ZBTB20: variants seen among roughly 807,000 people sequenced by gnomAD.
The protein encoded by ZBTB20 is zinc finger and BTB domain-containing protein 20.
ZBTB20 carries 9 observed loss-of-function variants against 56.9 expected under a neutral mutation model. The observed-to-expected ratio is 0.16, with a 90% confidence interval of 0.10 to 0.28. The LOEUF is 0.28. Ranked by LOEUF, ZBTB20 falls within the 10% of genes least tolerant of loss-of-function variation. The pLI is 1.00. For missense variants in ZBTB20, 655 were observed against 1,003.0 expected (o/e 0.65, Z 4.69); for synonymous variants, 417 against 420.7 (o/e 0.99, Z 0.11).
At chr3:114,857,756 C>T (rs537843767) in intron 4 of ZBTB20, among the ~76,000 whole-genome samples, 2 of 152,284 alleles carry the variant, frequency 1.3e-5, no homozygotes, top group African/African-American at 4.8e-5. Context: ...CCTTCTCTCC[C>T]ACCTCCCCTG....
chr3:114,687,387 G>A (rs755160482), intron 6 of ZBTB20: 1 of 151,800 alleles, frequency 6.6e-6, no homozygotes, highest in African/African-American at 2.4e-5. Flanking sequence ...AGAGCAGCAG[G>A]AGAGAATGGT....
intron 10 of ZBTB20, among the ~76,000 whole-genome samples, chr3:114,363,850 C>T (rs2082123081): frequency 6.6e-6 from 1 of 152,174 alleles, no homozygotes; most frequent in South Asian, 2.1e-4. Flanking sequence ...ACTTACTGCT[C>T]CCTAAAGTGG....
intron 7 of ZBTB20, among the ~76,000 whole-genome samples, chr3:114,494,319 G>A (rs1446917753): frequency 6.6e-6 from 1 of 152,102 alleles, no homozygotes; most frequent in African/African-American, 2.4e-5. Context: ...CCTTAGTTTA[G>A]ATCTTGGATA....
chr3:114,634,086 A>T (rs2059122496), intron 6 of ZBTB20, among the ~76,000 whole-genome samples: 1 of 152,186 alleles, frequency 6.6e-6, no homozygotes, highest in South Asian at 2.1e-4. Context: ...GACAAATGAG[A>T]TCGCACAATT....
At chr3:114,405,199 T>C (rs1399503348) in intron 7 of ZBTB20, among the ~76,000 whole-genome samples, 1 of 152,110 alleles carries the variant, frequency 6.6e-6, no homozygotes, top group Non-Finnish European at 1.5e-5. Flanking sequence ...CTGACTTTTT[T>C]TTTCCAATAA....
At chr3:114,343,024 C>T (rs2108119437) in intron 11 of ZBTB20, among the ~76,000 whole-genome samples, 1 of 152,162 alleles carries the variant, frequency 6.6e-6, no homozygotes, top group East Asian at 1.9e-4. Flanking sequence ...CCCTTTACTG[C>T]CTTGCCAAGG....
chr3:114,851,889 T>C (rs1041942596), intron 4 of ZBTB20, among the ~76,000 whole-genome samples: 7 of 152,148 alleles, frequency 4.6e-5, no homozygotes, highest in Non-Finnish European at 1.0e-4. Context: ...AAGCAAAAAA[T>C]TAATTTTAAA....
At chr3:114,563,917 C>T (rs553380048) in intron 6 of ZBTB20, among the ~76,000 whole-genome samples, 27 of 152,266 alleles carry the variant, frequency 1.8e-4, no homozygotes, top group South Asian at 4.2e-4. Flanking sequence ...AGTTTCCTAT[C>T]GCTGCTGTAA....
At chr3:114,754,671 C>A (rs1425697922) in intron 5 of ZBTB20, among the ~76,000 whole-genome samples, 1 of 151,972 alleles carries the variant, frequency 6.6e-6, no homozygotes, top group Non-Finnish European at 1.5e-5. Context: ...ATCTTTTTAT[C>A]TCTAGTGCCC....
chr3:114,681,350 G>A (rs994524433), intron 6 of ZBTB20, among the ~76,000 whole-genome samples: 1 of 151,518 alleles, frequency 6.6e-6, no homozygotes, highest in Non-Finnish European at 1.5e-5. Context: ...TAGTAGAGTT[G>A]GGGTTTTGCC....
Position 114,403,306 on chromosome 3 carries a change from G to A in ZBTB20, c.-254-14201C>T, listed in dbSNP as rs530280402. ...TCCTCTAACACTGAACAAAATATCA[G>A]TAAAACACCAAGTACAGCTGGTTTT... On this transcript the variant is annotated intron_variant, in intron 7 of 11. Transcript: ENST00000675478. Among the ~76,000 whole-genome samples the A allele has an allele frequency of 2.6e-5, 4 of 152,180 alleles. No individual in the cohort carries two copies. The South Asian group carries it at 6.2e-4, about 24-fold the overall frequency.
Position 114,351,043 on chromosome 3 carries a change from C to T in ZBTB20, c.1035G>A (p.Val345=), listed in dbSNP as rs762459494. The T allele has an allele frequency of 7.4e-6, 12 of 1,611,976 alleles. No individual in the cohort carries two copies. ...DDYDYYGQQR[V]QILERNESEE... is the part of the protein sequence containing the mutation. ...CGGATTCGTTGCGTTCCAGGATCTG[C>T]ACCCTTTGCTGCCCGTAGTAGTCGT... Residue 345 remains valine, a synonymous_variant, in exon 11 of 12, where the codon GTG becomes GTA. Coordinates refer to ENST00000675478, the MANE Select transcript of ZBTB20 (RefSeq NM_001348800.3).
At chr3:114,664,981 C>T (rs1201455167) in intron 6 of ZBTB20, among the ~76,000 whole-genome samples, 1 of 151,934 alleles carries the variant, frequency 6.6e-6, no homozygotes. Context: ...AATAAATTAT[C>T]CAAAAATGTT....
intron 2 of ZBTB20, among the ~76,000 whole-genome samples, chr3:115,028,845 A>C (rs1466174599): frequency 6.6e-6 from 1 of 150,840 alleles, no homozygotes; most frequent in African/African-American, 2.4e-5. Flanking sequence ...AAGAATATCT[A>C]CCTATAAAAT....
intron 4 of ZBTB20, among the ~76,000 whole-genome samples, chr3:114,839,485 G>A (rs1426169921): frequency 2.0e-5 from 3 of 150,616 alleles, no homozygotes; most frequent in Non-Finnish European, 3.0e-5. Flanking sequence ...GAAAGAAAGA[G>A]AAAGAAAGGG....
intron 7 of ZBTB20, among the ~76,000 whole-genome samples, chr3:114,459,912 A>C (rs1302306004): frequency 6.6e-6 from 1 of 152,106 alleles, no homozygotes; most frequent in Non-Finnish European, 1.5e-5. Context: ...TATTAGAGAT[A>C]GTAAGCACTT....
Position 114,753,372 on chromosome 3 carries a change from A to AT in ZBTB20, c.-343+47728_-343+47729insA, listed in dbSNP as rs1560209551. Among the ~76,000 whole-genome samples, 282 of 45,470 alleles carry AT rather than the reference A, an allele frequency of 6.2e-3. 40 individuals are homozygous for AT. Among genetic ancestry groups the AT allele is most frequent in the East Asian group, 0.021 (25 of 1,206 alleles). 29.8% of individuals were successfully genotyped at this position (45,470 alleles called of 152,430 possible). On this transcript the variant is annotated intron_variant, in intron 5 of 11. Coordinates refer to ENST00000675478, the MANE Select transcript of ZBTB20 (RefSeq NM_001348800.3). Reference sequence around the variant, plus strand: ...TATACATTATATATAATGTATATATAATGTATATACACATACATGTATGTA... The same window carrying AT: ...TATACATTATATATAATGTATATATATATGTATATACACATACATGTATGTA...
chr3:114,846,749 C>T (rs978108206), intron 4 of ZBTB20, among the ~76,000 whole-genome samples: 4 of 152,152 alleles, frequency 2.6e-5, no homozygotes, highest in Non-Finnish European at 5.9e-5. Context: ...TTCAATACTG[C>T]CTGGATTTTT....
In ZBTB20 at chr3:114,326,584, T is replaced by TAAAAAGA. The variant is rs1299584158; in HGVS notation, c.*12420_*12421insTCTTTTT. 2.6e-5 allele frequency: 4 copies of TAAAAAGA among 151,988 alleles called. No homozygotes were observed. The highest frequency in any genetic ancestry group is 9.7e-5 in the African/African-American group (4 of 41,376). The allele number at this position is 151,988 out of a possible 1,614,324, so 9.4% of individuals were successfully genotyped here. ...TTGACTGTCCATGGACAGTAACAAA[T>TAAAAAGA]TAAGAAATAAAAATCCTTTACTATC... On this transcript the variant is annotated 3_prime_UTR_variant, in exon 12 of 12. Transcript: ENST00000675478.
Sources: gnomAD v4.1 joint callset for allele counts (sites outside exome capture counted in the v4.1 genomes callset) on GRCh38, gnomAD v4.1.1 for gene constraint, MANE v1.5 for transcripts, NCBI Gene and HGNC (gene_info 2026-07-23, HGNC 2026-07-21) for gene names.